Variants in HDAC4 observed in about 807,000 individuals in gnomAD.
HDAC4 encodes histone deacetylase 4.
Under a neutral mutation model 135.1 loss-of-function variants are expected in HDAC4, and 16 were observed. The observed-to-expected ratio is 0.12, with a 90% CI of 0.08 to 0.18. HDAC4 has a LOEUF of 0.18. HDAC4 is among the 10% of genes least tolerant of loss of function. HDAC4 has a pLI of 1.00. For synonymous variants in HDAC4, 685 were observed against 653.4 expected (o/e 1.05, Z -0.74); for missense variants, 1,143 against 1,511.8 (o/e 0.76, Z 4.05).
At position 239,303,967 on chromosome 2, in the gene HDAC4, C is replaced by T. The variant is rs1317184989; in HGVS notation, c.22+48711G>A. Among the ~76,000 whole-genome samples, 5 of 152,208 alleles carry T rather than the reference C, an allele frequency of 3.3e-5. No homozygotes were observed. Among genetic ancestry groups the T allele is most frequent in the Non-Finnish European group, 7.3e-5 (5 of 68,038 alleles). ...CTGCCTCCCAGGCCTCACCAGTCTTCATCTCAGCCCGCCAGGTCCTCTCGA... is the reference window on the plus strand; with the variant it reads ...CTGCCTCCCAGGCCTCACCAGTCTTTATCTCAGCCCGCCAGGTCCTCTCGA... On this transcript the variant is annotated intron_variant, in intron 2 of 26. Coordinates refer to ENST00000543185, the MANE Select transcript of HDAC4 (RefSeq NM_001378414.1). This position sits in a 1 kb window ranked among gnomAD's most constrained non-coding sequence, Gnocchi z 5.1.
chr2:239,394,462 A>C (rs551397195), intron 1 of HDAC4, among the ~76,000 whole-genome samples: 1 of 152,364 alleles, frequency 6.6e-6, no homozygotes, highest in East Asian at 1.9e-4. Context: ...CCCTGGGCGA[A>C]GCGGCTGGAG....
rs941574565 is a variant in HDAC4 at position 239,052,489 on chromosome 2, G to A, written c.*608C>T. 1.3e-5 allele frequency: 2 copies of A among 152,888 alleles called. No individual in the cohort carries two copies. Among genetic ancestry groups the A allele is most frequent in the African/African-American group, 4.8e-5 (2 of 41,420 alleles). 9.5% of individuals were successfully genotyped at this position (152,888 alleles called of 1,614,324 possible). On this transcript the variant is annotated 3_prime_UTR_variant, in exon 27 of 27. Coordinates refer to ENST00000543185, the MANE Select transcript of HDAC4 (RefSeq NM_001378414.1). ...GCCAGCTCCCCCAGCTCACATTCCT[G>A]TTTCTGTCCAGTTTTGTTTTCTTTA...
At chr2:239,120,214 G>C (rs557153557) in intron 12 of HDAC4, among the ~76,000 whole-genome samples, 121 of 152,280 alleles carry the variant, frequency 7.9e-4, no homozygotes, top group African/African-American at 2.8e-3. Flanking sequence ...GGAGCAGTAC[G>C]CAGGTGGAAT....
chr2:239,237,184 T>C (rs1412161113), intron 2 of HDAC4, among the ~76,000 whole-genome samples: 2 of 152,136 alleles, frequency 1.3e-5, no homozygotes, highest in African/African-American at 4.8e-5. Flanking sequence ...TCTCAAGGTA[T>C]AGAGTCCTTT....
At chr2:239,268,949 T>C (rs1434537327) in intron 2 of HDAC4, among the ~76,000 whole-genome samples, 1 of 152,168 alleles carries the variant, frequency 6.6e-6, no homozygotes, top group African/African-American at 2.4e-5. Flanking sequence ...AAAGAAAGAC[T>C]AATCGCACTG....
In HDAC4 at chr2:239,400,357, C is replaced by A; in HGVS notation, c.-220+621G>T. 1 of 148,624 alleles carries A rather than the reference C, an allele frequency of 6.7e-6. No individual in the cohort carries two copies. The highest frequency in any genetic ancestry group is 2.0e-4 in the South Asian group (1 of 4,892). 9.2% of individuals were successfully genotyped at this position (148,624 alleles called of 1,614,324 possible). On this transcript the variant is annotated intron_variant, in intron 1 of 26. Transcript: ENST00000543185. The surrounding 1 kb of genome is among the most constrained non-coding windows in gnomAD (Gnocchi z 4.7). Reference sequence around the variant, plus strand: ...GCGCCCGCCCGCCCCCGCCCTCACTCCCGGCGGCCCGGAGCCCACCTGCTC... The same window carrying A: ...GCGCCCGCCCGCCCCCGCCCTCACTACCGGCGGCCCGGAGCCCACCTGCTC...
chr2:239,096,528 CA>C (rs1342555378), intron 16 of HDAC4, among the ~76,000 whole-genome samples: 1 of 102,672 alleles, frequency 9.7e-6, no homozygotes, highest in Non-Finnish European at 2.0e-5. Flanking sequence ...CCATGGACGC[CA>C]GTACCCCCCA....
chr2:239,387,109 G>A (rs1695867132), intron 1 of HDAC4, among the ~76,000 whole-genome samples: 1 of 152,268 alleles, frequency 6.6e-6, no homozygotes, highest in African/African-American at 2.4e-5. Context: ...CTTGCTGTGT[G>A]TGGCACGTGC....
At chr2:239,263,364 C>T (rs1232967380) in intron 2 of HDAC4, among the ~76,000 whole-genome samples, 2 of 145,378 alleles carry the variant, frequency 1.4e-5, no homozygotes, top group East Asian at 2.3e-4. Flanking sequence ...CCCCGAAGCC[C>T]GCCCAGTCCC....
intron 1 of HDAC4, among the ~76,000 whole-genome samples, chr2:239,366,845 C>G (rs536776224): frequency 7.3e-6 from 1 of 136,840 alleles, no homozygotes; most frequent in South Asian, 2.1e-4. Context: ...GCAGGGCACC[C>G]CCAGGGCAGG....
rs998490630 is a variant in HDAC4 at position 239,307,151 on chromosome 2, G to A, written c.22+45527C>T. Among the ~76,000 whole-genome samples, 2 of 152,088 alleles carry A rather than the reference G, an allele frequency of 1.3e-5. No homozygotes were observed. The highest frequency in any genetic ancestry group is 2.9e-5 in the Non-Finnish European group (2 of 68,002). On this transcript the variant is annotated intron_variant, in intron 2 of 26. Transcript: ENST00000543185. The surrounding 1 kb of genome is among the most constrained non-coding windows in gnomAD (Gnocchi z 4.8). ...CCTGCCGTCCATCCTGGGTGCCCACGAGGGGTCTGGAAACCCTGACAGGGA... is the reference window on the plus strand; with the variant it reads ...CCTGCCGTCCATCCTGGGTGCCCACAAGGGGTCTGGAAACCCTGACAGGGA...
chr2:239,190,940 T>A (rs760179822), intron 3 of HDAC4: 16 of 448,312 alleles, frequency 3.6e-5, no homozygotes, highest in South Asian at 2.6e-4. Flanking sequence ...TTACGGCAGG[T>A]CCCTATTCTG....
chr2:239,073,335 G>C (rs979384959), intron 22 of HDAC4, among the ~76,000 whole-genome samples: 3 of 152,218 alleles, frequency 2.0e-5, no homozygotes, highest in African/African-American at 7.2e-5. Flanking sequence ...ATCGTTAGGG[G>C]CTGAGGAAAC....
intron 12 of HDAC4, among the ~76,000 whole-genome samples, chr2:239,116,026 C>A (rs974958488): frequency 2.6e-5 from 4 of 152,160 alleles, no homozygotes; most frequent in African/African-American, 9.7e-5. Flanking sequence ...TCCCTAGATG[C>A]CCCCGACCTC....
intron 1 of HDAC4, among the ~76,000 whole-genome samples, chr2:239,364,215 A>G (rs1430444699): frequency 6.6e-6 from 1 of 152,216 alleles, no homozygotes; most frequent in Non-Finnish European, 1.5e-5. Context: ...CATCTACCCA[A>G]CAGAAAGACA....
intron 1 of HDAC4, among the ~76,000 whole-genome samples, chr2:239,396,717 A>G (rs1211992845): frequency 6.6e-6 from 1 of 152,164 alleles, no homozygotes; most frequent in Non-Finnish European, 1.5e-5. Flanking sequence ...TGCCAAAGAG[A>G]TTTTTTAAAA....
chr2:239,108,210 C>G, intron 14 of HDAC4, 27 bp from the exon 15 acceptor site: 1 of 1,582,758 alleles, frequency 6.3e-7, no homozygotes. Flanking sequence ...GGGCCAAGAT[C>G]AGCGCACATC....
intron 1 of HDAC4, among the ~76,000 whole-genome samples, chr2:239,376,372 T>C (rs1695008081): frequency 6.6e-6 from 1 of 151,700 alleles, no homozygotes; most frequent in African/African-American, 2.4e-5. Flanking sequence ...ACCCTCCTGA[T>C]GGTGCCCAGA....
At chr2:239,380,498 C>A (rs1695344997) in intron 1 of HDAC4, among the ~76,000 whole-genome samples, 1 of 152,108 alleles carries the variant, frequency 6.6e-6, no homozygotes, top group Admixed American at 6.5e-5. Flanking sequence ...ACGGGCCTGA[C>A]AGTAACCTTG....
Sources: allele counts gnomAD v4.1 joint callset (sites outside exome capture counted in the v4.1 genomes callset), GRCh38; gene constraint gnomAD v4.1.1; non-coding constraint Gnocchi (gnomAD v3.1); transcripts MANE v1.5; gene names NCBI Gene and HGNC (gene_info 2026-07-23, HGNC 2026-07-21).